Variants in HOOK3 observed in about 807,000 individuals in gnomAD.
HOOK3 encodes protein Hook homolog 3.
HOOK3 carries 24 observed loss-of-function variants against 116.3 expected under a neutral mutation model. That is an observed-to-expected ratio of 0.21 (90% CI 0.15 to 0.29). The LOEUF (loss-of-function observed/expected upper bound fraction) is 0.29, where lower values mean the gene tolerates loss of function less well. Among genes scored for constraint, HOOK3 ranks in the 10% least tolerant of loss-of-function variants. The probability of loss-of-function intolerance (pLI) is 1.00; values close to 1 mark genes in which losing one functional copy is unlikely to be tolerated. For missense variants in HOOK3, 632 were observed against 830.2 expected, an observed-to-expected ratio of 0.76 and a Z score of 2.93; for synonymous variants, 275 against 283.0, an observed-to-expected ratio of 0.97 and a Z score of 0.28.
rs552648881 is a variant in HOOK3, at chr8:43,026,554, G to A, written c.*8056G>A. 1.5e-4 allele frequency: 33 copies of A among 213,482 alleles called. No homozygotes were observed. Among genetic ancestry groups the A allele is most frequent in the Non-Finnish European group, 2.0e-4 (21 of 105,742 alleles). The allele number at this position is 213,482 out of a possible 1,614,324, so 13.2% of individuals were successfully genotyped here. On this transcript the variant is annotated 3_prime_UTR_variant, in exon 22 of 22. Coordinates refer to ENST00000307602, the MANE Select transcript of HOOK3 (RefSeq NM_032410.4). The stretch of plus-strand genomic sequence containing the variant: ...ACTTAGAAGCCAAATCCTTTCAAAC[G>A]CAAACACCCTTGAAACTTGATGCTT...
intron 1 of HOOK3, among the ~76,000 whole-genome samples, chr8:42,900,127 T>C (rs986639120): frequency 6.6e-6 from 1 of 152,174 alleles, no homozygotes; most frequent in African/African-American, 2.4e-5. Flanking sequence ...CCAAATTTTT[T>C]CGAAAGAGAG....
chr8:42,951,222 G>A (rs1808339301), intron 6 of HOOK3, among the ~76,000 whole-genome samples: 1 of 151,952 alleles, frequency 6.6e-6, no homozygotes, highest in Non-Finnish European at 1.5e-5. Flanking sequence ...CACCACGCCT[G>A]GCTAGTTTTT....
intron 13 of HOOK3, among the ~76,000 whole-genome samples, chr8:42,977,604 C>T (rs1808852832): frequency 6.6e-6 from 1 of 152,198 alleles, no homozygotes; most frequent in Non-Finnish European, 1.5e-5. Flanking sequence ...CAGTGGCTCA[C>T]ACCTGTGGTC....
At chr8:42,945,008 A>T (rs375592646) in intron 5 of HOOK3, among the ~76,000 whole-genome samples, 1 of 152,274 alleles carries the variant, frequency 6.6e-6, no homozygotes. Context: ...TTACGTTGAA[A>T]TATGAGATTA....
chr8:42,902,035 T>A (rs1408356548), intron 1 of HOOK3, among the ~76,000 whole-genome samples: 2 of 151,902 alleles, frequency 1.3e-5, no homozygotes, highest in African/African-American at 4.8e-5. Flanking sequence ...ACTAAGTTAC[T>A]TGCTTTTTTG....
chr8:42,954,220 A>G (rs16891652), intron 6 of HOOK3, among the ~76,000 whole-genome samples: 3,649 of 152,314 alleles, frequency 0.024, 148 homozygotes, highest in African/African-American at 0.083. Flanking sequence ...AACTTGCTTA[A>G]TGTTAACTCT....
At chr8:42,903,993 C>T (rs530429313) in intron 1 of HOOK3, among the ~76,000 whole-genome samples, 23 of 152,076 alleles carry the variant, frequency 1.5e-4, no homozygotes, top group Non-Finnish European at 3.1e-4. Flanking sequence ...ATAAATGATA[C>T]GGTGCGGAGA....
intron 13 of HOOK3, among the ~76,000 whole-genome samples, chr8:42,978,771 ACTC>A (rs1039795310): frequency 6.7e-6 from 1 of 150,058 alleles, no homozygotes; most frequent in African/African-American, 2.5e-5. Flanking sequence ...CTGATCTTGA[ACTC>A]CTGGCCTCAG....
chr8:42,919,035 C>T (rs1159497201), intron 2 of HOOK3, among the ~76,000 whole-genome samples: 1 of 144,766 alleles, frequency 6.9e-6, no homozygotes, highest in Non-Finnish European at 1.5e-5. Context: ...GGGTGGCTGG[C>T]CGGGCGGGGG....
chr8:42,972,328 C>G (rs540674375), intron 11 of HOOK3, among the ~76,000 whole-genome samples: 1 of 152,266 alleles, frequency 6.6e-6, no homozygotes, highest in East Asian at 1.9e-4. Flanking sequence ...TTTTCCCAGA[C>G]AATGCAAGTA....
intron 2 of HOOK3, among the ~76,000 whole-genome samples, chr8:42,913,288 G>C (rs1807469023): frequency 6.6e-6 from 1 of 151,702 alleles, no homozygotes; most frequent in African/African-American, 2.4e-5. Flanking sequence ...CTTCTTTCCT[G>C]CTACCCTCTT....
chr8:42,968,424 G>A (rs1808671142), intron 11 of HOOK3, among the ~76,000 whole-genome samples: 2 of 152,154 alleles, frequency 1.3e-5, no homozygotes, highest in African/African-American at 4.8e-5. Flanking sequence ...CCACCTCCCA[G>A]GTTCAAGCTA....
rs550606577 is a variant in HOOK3, at chr8:42,966,006, A to G, written c.780-467A>G. Among the ~76,000 whole-genome samples, 14 of 152,334 alleles carry G rather than the reference A, an allele frequency of 9.2e-5. 1 individual carries two copies. In the South Asian group the frequency reaches 2.9e-3, roughly 32 times the overall value. On this transcript the variant is annotated intron_variant, in intron 9 of 21. Coordinates refer to ENST00000307602, the MANE Select transcript of HOOK3 (RefSeq NM_032410.4). The stretch of plus-strand genomic sequence containing the variant: ...AGATGAATGTAGAAACAAATATGAG[A>G]ACCCAGCTGTCTTCTATTAAAACAG...
intron 4 of HOOK3, 37 bp from the exon 5 acceptor site, chr8:42,943,276 A>C (rs370607424): frequency 5.7e-5 from 74 of 1,308,778 alleles, no homozygotes; most frequent in Non-Finnish European, 7.4e-5. Context: ...GGTCATATAA[A>C]TGTAAATGCA....
chr8:42,918,016 TA>T, intron 2 of HOOK3, among the ~76,000 whole-genome samples: 1 of 152,322 alleles, frequency 6.6e-6, no homozygotes, highest in Non-Finnish European at 1.5e-5. Flanking sequence ...AATTTGCTAG[TA>T]AAGATGCCAT....
intron 15 of HOOK3, among the ~76,000 whole-genome samples, chr8:42,996,399 A>C (rs932883745): frequency 1.3e-5 from 2 of 150,980 alleles, no homozygotes. Context: ...AAAAAAAAAA[A>C]AAAAGAAAAA....
chr8:42,947,362 A>AG (rs1001690213), intron 5 of HOOK3, among the ~76,000 whole-genome samples: 20 of 152,292 alleles, frequency 1.3e-4, no homozygotes, highest in South Asian at 6.2e-4. Context: ...CTTAATATGT[A>AG]GGGGGTCTTT....
chr8:42,914,093 G>T (rs138352507), intron 2 of HOOK3, among the ~76,000 whole-genome samples: 69 of 152,114 alleles, frequency 4.5e-4, no homozygotes, highest in Non-Finnish European at 8.7e-4. Context: ...TCTCCCACAG[G>T]CTTCATATAC....
intron 13 of HOOK3, among the ~76,000 whole-genome samples, chr8:42,982,277 A>G (rs1411472510): frequency 6.7e-6 from 1 of 149,862 alleles, no homozygotes; most frequent in Non-Finnish European, 1.5e-5. Flanking sequence ...AAAAGAAAAA[A>G]AAAAAGAAAA....
Sources: allele counts gnomAD v4.1 joint callset (sites outside exome capture counted in the v4.1 genomes callset), GRCh38; gene constraint gnomAD v4.1.1; transcripts MANE v1.5; gene names NCBI Gene and HGNC (gene_info 2026-07-23, HGNC 2026-07-21).